Variants in NAA30 observed in about 807,000 individuals in gnomAD.
The protein encoded by NAA30 is N-alpha-acetyltransferase 30, NatC catalytic subunit.
In NAA30, 5 loss-of-function variants were observed where a neutral mutation model predicts 31.4. The observed-to-expected ratio is 0.16, with a 90% CI of 0.08 to 0.33. The LOEUF (loss-of-function observed/expected upper bound fraction) is 0.33, where lower values mean the gene tolerates loss of function less well. Ranked by LOEUF, NAA30 falls within the 10% of genes least tolerant of loss-of-function variation. The pLI, the probability that NAA30 is intolerant of heterozygous loss-of-function variation, is 1.00. For missense variants in NAA30, 428 were observed against 490.8 expected, an observed-to-expected ratio of 0.87 and a Z score of 1.21; for synonymous variants, 222 against 207.1, an observed-to-expected ratio of 1.07 and a Z score of -0.62.
intron 4 of NAA30, among the ~76,000 whole-genome samples, chr14:57,406,404 C>T (rs976613622): frequency 6.6e-6 from 1 of 152,124 alleles, no homozygotes; most frequent in Non-Finnish European, 1.5e-5. Flanking sequence ...CACTGCTTTG[C>T]TTTACTTTGG....
In NAA30 at chr14:57,415,007, T is replaced by G. The variant is rs1409212475; in HGVS notation, c.*5491T>G. The G allele has an allele frequency of 3.9e-5, 6 of 152,246 alleles. No homozygotes were observed. The highest frequency in any genetic ancestry group is 7.3e-5 in the Non-Finnish European group (5 of 68,036). 9.4% of individuals were successfully genotyped at this position (152,246 alleles called of 1,614,324 possible). A position where few individuals can be genotyped will look rare whatever the true frequency, so the allele number is the denominator to read the frequency against. On this transcript the variant is annotated 3_prime_UTR_variant, in exon 5 of 5. Transcript: ENST00000556492. ...AGTCTATGTAAGGTTTTTATAATGC[T>G]AAGAAATAAGCTTATTTTTAGATAT...
chr14:57,401,226 A>G (rs1594751800), intron 4 of NAA30, among the ~76,000 whole-genome samples: 1 of 152,340 alleles, frequency 6.6e-6, no homozygotes, highest in Non-Finnish European at 1.5e-5. Flanking sequence ...TTTACTGCTG[A>G]GCATTCTCAG....
chr14:57,402,955 C>T (rs974780252), intron 4 of NAA30, among the ~76,000 whole-genome samples: 1 of 152,148 alleles, frequency 6.6e-6, no homozygotes, highest in Non-Finnish European at 1.5e-5. Flanking sequence ...CCAAGGCTGG[C>T]GGATCACTTG....
chr14:57,395,813 C>A (rs560668463), intron 2 of NAA30, among the ~76,000 whole-genome samples: 1 of 152,144 alleles, frequency 6.6e-6, no homozygotes, highest in African/African-American at 2.4e-5. Flanking sequence ...GCTACACTTA[C>A]ATATATTAAC....
At position 57,391,081 on chromosome 14, in the gene NAA30, G is replaced by A; in HGVS notation, c.124G>A (p.Glu42Lys). 1 of 1,547,944 alleles carries A rather than the reference G, an allele frequency of 6.5e-7. No individual in the cohort carries two copies. Among genetic ancestry groups the A allele is most frequent in the African/African-American group, 1.4e-5 (1 of 72,688 alleles). The change falls in exon 2 of 5, where the codon GAG becomes AAG. Residue 42 changes from glutamate (E) to lysine (K), a missense_variant. Around this residue, in one of 2 missense-constraint regions of NAA30, gnomAD observed 349 missense variants for 310.4 expected, o/e 1.12. Transcript: ENST00000556492. The surrounding 1 kb of genome is among the most constrained non-coding windows in gnomAD (Gnocchi z 4.1). Reference sequence around the variant, plus strand: ...CGCCCTCGCCTGCTGCAGCGAGGACGAGGAGGACGACGAAGAGCACGAAGG... The same window carrying A: ...CGCCCTCGCCTGCTGCAGCGAGGACAAGGAGGACGACGAAGAGCACGAAGG... ...GAALACCSED[E>K]EDDEEHEGGG... is the part of the protein sequence containing the mutation.
chr14:57,405,048 A>G lies in NAA30; in HGVS notation c.952-4331A>G, dbSNP rs61997463. Among the ~76,000 whole-genome samples the G allele has an allele frequency of 4.1e-3, 632 of 152,298 alleles. 3 individuals are homozygous for G. Among genetic ancestry groups the G allele is most frequent in the African/African-American group, 0.012 (503 of 41,552 alleles). On this transcript the variant is annotated intron_variant, in intron 4 of 4. Coordinates refer to ENST00000556492, the MANE Select transcript of NAA30 (RefSeq NM_001011713.3). ...TGTAACTTGCGGCAGACTGTTTACA[A>G]TCTGCTATTCAAACCCATGACTTTC...
At chr14:57,405,946 G>C (rs968781658) in intron 4 of NAA30, among the ~76,000 whole-genome samples, 1 of 151,972 alleles carries the variant, frequency 6.6e-6, no homozygotes, top group African/African-American at 2.4e-5. Context: ...TTTTCTGTTA[G>C]GTAGAATTCA....
At position 57,402,596 on chromosome 14, in the gene NAA30, T is replaced by TA. The variant is rs201012623; in HGVS notation, c.951+2720dup. 8.0e-3 allele frequency among the ~76,000 whole-genome samples: 1,213 copies of TA among 152,234 alleles called. 28 individuals carry two copies. Among genetic ancestry groups the TA allele is most frequent in the African/African-American group, 0.028 (1,154 of 41,562 alleles). On this transcript the variant is annotated intron_variant, in intron 4 of 4. Coordinates refer to ENST00000556492, the MANE Select transcript of NAA30 (RefSeq NM_001011713.3). ...TTTTTGTTCATAGTAGGATTTTTTT[T>TA]AAAAAAAGGCATCTTTAGGGTTAAC...
rs1387040501 is a variant in NAA30, at chr14:57,415,544, G to C, written c.*6028G>C. Reference sequence around the variant, plus strand: ...AAAATGCGTGTATTTTTAGGAATGCGCTATTTCCAGTAAGGGAAGTATTGA... The same window carrying C: ...AAAATGCGTGTATTTTTAGGAATGCCCTATTTCCAGTAAGGGAAGTATTGA... On this transcript the variant is annotated 3_prime_UTR_variant, in exon 5 of 5. Transcript: ENST00000556492. 6.6e-6 allele frequency: 1 copy of C among 152,126 alleles called. No individual in the cohort carries two copies. Among genetic ancestry groups the C allele is most frequent in the Non-Finnish European group, 1.5e-5 (1 of 68,014 alleles). The allele number at this position is 152,126 out of a possible 1,614,324, so 9.4% of individuals were successfully genotyped here. A position where few individuals can be genotyped will look rare whatever the true frequency, so the allele number is the denominator to read the frequency against.
intron 2 of NAA30, among the ~76,000 whole-genome samples, chr14:57,393,292 T>A (rs2066437481): frequency 6.6e-6 from 1 of 152,196 alleles, no homozygotes; most frequent in Non-Finnish European, 1.5e-5. Flanking sequence ...TTAGATTTGA[T>A]TTTATGTAGA....
At chr14:57,398,005 A>T (rs1237000245) in intron 3 of NAA30, among the ~76,000 whole-genome samples, 2 of 152,226 alleles carry the variant, frequency 1.3e-5, no homozygotes, top group African/African-American at 4.8e-5. Flanking sequence ...TAAGCATGTC[A>T]AATTTTGTGA....
chr14:57,391,236 G>A lies in NAA30; in HGVS notation c.279G>A (p.Arg93=). 1 of 1,612,186 alleles carries A rather than the reference G, an allele frequency of 6.2e-7. No individual in the cohort carries two copies. The highest frequency in any genetic ancestry group is 8.5e-7 in the Non-Finnish European group (1 of 1,179,830). The change falls in exon 2 of 5, where the codon CGG becomes CGA. Residue 93 remains arginine (R), a synonymous_variant. Coordinates refer to ENST00000556492, the MANE Select transcript of NAA30 (RefSeq NM_001011713.3). The surrounding 1 kb of genome is among the most constrained non-coding windows in gnomAD (Gnocchi z 4.1). The part of the protein sequence containing the change: ...QLNGLISPEL[R]HLRAAASLKS... ...ACGGATTGATTAGCCCCGAACTGCG[G>A]CACCTCCGGGCGGCCGCCTCCCTCA... is the stretch of plus-strand genomic sequence containing the variant.
intron 1 of NAA30, 85 bp downstream of exon 1, chr14:57,390,790 C>A: frequency 1.7e-6 from 1 of 571,752 alleles, no homozygotes; most frequent in Non-Finnish European, 2.6e-6. Context: ...AGCAGCTGGG[C>A]GGCGCTGAAG....
In NAA30 at chr14:57,406,064, T is replaced by G. The variant is rs547839563; in HGVS notation, c.952-3315T>G. Among the ~76,000 whole-genome samples the G allele has an allele frequency of 7.2e-5, 11 of 152,346 alleles. No individual in the cohort carries two copies. The South Asian group carries it at 2.3e-3, about 32-fold the overall frequency. On this transcript the variant is annotated intron_variant, in intron 4 of 4. Transcript: ENST00000556492. ...TTTATAAGAATTTAAGAATTAAAAA[T>G]TAGTTACTTTATCCTGGCATTTTTC...
In NAA30 at chr14:57,391,554, C is replaced by T. The variant is rs765420467; in HGVS notation, c.597C>T (p.Ser199=). ...SSLTADCSLR[S]PSGREVEPGE... Reference sequence around the variant, plus strand: ...TGACCGCCGACTGCAGCTTAAGAAGCCCTTCGGGCAGGGAGGTTGAGCCTG... The same window carrying T: ...TGACCGCCGACTGCAGCTTAAGAAGTCCTTCGGGCAGGGAGGTTGAGCCTG... The change falls in exon 2 of 5, where the codon AGC becomes AGT. Residue 199 remains serine (S), a synonymous_variant. Coordinates refer to ENST00000556492, the MANE Select transcript of NAA30 (RefSeq NM_001011713.3). The surrounding 1 kb of genome is among the most constrained non-coding windows in gnomAD (Gnocchi z 4.1). The T allele has an allele frequency of 1.8e-5, 29 of 1,614,018 alleles. No homozygotes were observed. The East Asian group carries it at 5.8e-4, about 32-fold the overall frequency.
rs898441311 is a variant in NAA30, at chr14:57,391,223, G to A, written c.266G>A (p.Ser89Asn). The A allele has an allele frequency of 5.0e-6, 8 of 1,612,144 alleles. No individual in the cohort carries two copies. The highest frequency in any genetic ancestry group is 5.9e-6 in the Non-Finnish European group (7 of 1,179,854). The change falls in exon 2 of 5, where the codon AGC becomes AAC. Residue 89 changes from serine to asparagine, a missense_variant. Physicochemically the swap from Ser to Asn is conservative, Grantham distance 46. Coordinates refer to ENST00000556492, the MANE Select transcript of NAA30 (RefSeq NM_001011713.3). This position sits in a 1 kb window ranked among gnomAD's most constrained non-coding sequence, Gnocchi z 4.1. The stretch of plus-strand genomic sequence containing the variant: ...CAGCAGCAGCTCAACGGATTGATTA[G>A]CCCCGAACTGCGGCACCTCCGGGCG... ...QEQQQLNGLI[S>N]PELRHLRAAA...
rs2066451983 is a variant in NAA30, at chr14:57,396,681, T to TTG, written c.772-69_772-68dup. 8 of 1,535,416 alleles carry TTG rather than the reference T, an allele frequency of 5.2e-6. No individual in the cohort carries two copies. The South Asian group carries it at 9.4e-5, about 18-fold the overall frequency. ...GAAAATGCTTACCAATGGTTGGTTG[T>TTG]TGTTTTCTCTGGATAATTGTGCAGT... On this transcript the variant is annotated intron_variant, in intron 2 of 4. Coordinates refer to ENST00000556492, the MANE Select transcript of NAA30 (RefSeq NM_001011713.3).
Position 57,390,954 on chromosome 14 carries a change from T to A in NAA30, c.-1-3T>A. On this transcript the variant is annotated splice_region_variant and splice_polypyrimidine_tract_variant and intron_variant, in intron 1 of 4. Coordinates refer to ENST00000556492, the MANE Select transcript of NAA30 (RefSeq NM_001011713.3). ...CTCCCCTCTCGGTCTGTGTCGCTTCTAGGATGGCGGAGGTACCGCCTGGGC... is the reference window on the plus strand; with the variant it reads ...CTCCCCTCTCGGTCTGTGTCGCTTCAAGGATGGCGGAGGTACCGCCTGGGC... 6.8e-7 allele frequency: 1 copy of A among 1,476,440 alleles called. No homozygotes were observed. Among genetic ancestry groups the A allele is most frequent in the Non-Finnish European group, 8.9e-7 (1 of 1,119,440 alleles). 91.5% of individuals were successfully genotyped at this position (1,476,440 alleles called of 1,614,324 possible).
chr14:57,406,343 G>A (rs191039318), intron 4 of NAA30, among the ~76,000 whole-genome samples: 71 of 152,274 alleles, frequency 4.7e-4, no homozygotes, highest in Non-Finnish European at 3.1e-4. Context: ...AATATTGATG[G>A]TGGACTTAAA....
Sources: allele counts gnomAD v4.1 joint callset (sites outside exome capture counted in the v4.1 genomes callset), GRCh38; gene constraint gnomAD v4.1.1; regional missense constraint gnomAD v4.1.1; non-coding constraint Gnocchi (gnomAD v3.1); transcripts MANE v1.5; gene names NCBI Gene and HGNC (gene_info 2026-07-23, HGNC 2026-07-21).